BRINP3: variants seen among roughly 807,000 people sequenced by gnomAD.
The protein encoded by BRINP3 is BMP/retinoic acid-inducible neural-specific protein 3.
In BRINP3, 19 loss-of-function variants were observed where a neutral mutation model predicts 71.0. The observed-to-expected ratio is 0.27, with a 90% CI of 0.19 to 0.39. BRINP3 has a LOEUF of 0.39. Ranked by LOEUF, BRINP3 falls within the 10% of genes least tolerant of loss-of-function variation. The probability of loss-of-function intolerance (pLI) is 1.00; values close to 1 mark genes in which losing one functional copy is unlikely to be tolerated. For synonymous variants in BRINP3, 380 were observed against 337.7 expected, an observed-to-expected ratio of 1.13 and a Z score of -1.37; for missense variants, 959 against 940.8, an observed-to-expected ratio of 1.02 and a Z score of -0.25.
chr1:190,172,769 T>TA (rs1652133995), intron 6 of BRINP3, among the ~76,000 whole-genome samples: 1 of 152,098 alleles, frequency 6.6e-6, no homozygotes, highest in Non-Finnish European at 1.5e-5. Context: ...TAACTGAACA[T>TA]ACGACAATCG....
intron 2 of BRINP3, among the ~76,000 whole-genome samples, chr1:190,338,653 T>A (rs1667447715): frequency 6.6e-6 from 1 of 152,000 alleles, no homozygotes; most frequent in Admixed American, 6.6e-5. Context: ...TGTCTATCAA[T>A]TTATAATAAA....
At chr1:190,270,846 TGAA>T (rs1662048034) in intron 3 of BRINP3, among the ~76,000 whole-genome samples, 1 of 151,722 alleles carries the variant, frequency 6.6e-6, no homozygotes, top group Non-Finnish European at 1.5e-5. Context: ...ATTAAAATGT[TGAA>T]GAAGCATCCA....
At chr1:190,473,832 G>C (rs1055875710) in intron 1 of BRINP3, among the ~76,000 whole-genome samples, 3 of 150,768 alleles carry the variant, frequency 2.0e-5, no homozygotes, top group Non-Finnish European at 4.4e-5. Flanking sequence ...TTTCATACTG[G>C]GGTTGTACGC....
intron 5 of BRINP3, among the ~76,000 whole-genome samples, chr1:190,228,287 G>GA (rs1282394971): frequency 6.6e-6 from 1 of 151,590 alleles, no homozygotes; most frequent in Non-Finnish European, 1.5e-5. Context: ...AGGAACTCAG[G>GA]AATCAGTATA....
At chr1:190,316,289 G>A (rs1026555230) in intron 2 of BRINP3, among the ~76,000 whole-genome samples, 3 of 152,068 alleles carry the variant, frequency 2.0e-5, no homozygotes, top group Admixed American at 2.0e-4. Context: ...TTCAATTATT[G>A]ACTTCATTTT....
At chr1:190,382,431 A>G (rs1342353624) in intron 2 of BRINP3, among the ~76,000 whole-genome samples, 1 of 152,144 alleles carries the variant, frequency 6.6e-6, no homozygotes, top group Non-Finnish European at 1.5e-5. Context: ...AGTCTTAGCA[A>G]ATTCATACTT....
intron 7 of BRINP3, among the ~76,000 whole-genome samples, chr1:190,152,391 A>G (rs979666261): frequency 3.3e-5 from 5 of 151,854 alleles, no homozygotes; most frequent in Non-Finnish European, 7.4e-5. Context: ...ACACTTTCTC[A>G]TTGTTGTAAA....
chr1:190,353,766 T>A (rs1668551799), intron 2 of BRINP3, among the ~76,000 whole-genome samples: 1 of 152,000 alleles, frequency 6.6e-6, no homozygotes, highest in Non-Finnish European at 1.5e-5. Flanking sequence ...CCAAATCTTG[T>A]GTATTCCACC....
At position 190,098,344 on chromosome 1, in the gene BRINP3, C is replaced by T. The variant is rs1349727089; in HGVS notation, c.1975G>A (p.Gly659Ser). 1.2e-6 allele frequency: 2 copies of T among 1,614,056 alleles called. No homozygotes were observed. The highest frequency in any genetic ancestry group is 8.5e-7 in the Non-Finnish European group (1 of 1,180,024). ...LEFIDPSRNL[G>S]YMKINNIQVF... Reference sequence around the variant, plus strand: ...TGAATGTTATTGATTTTCATATAGCCCAGGTTCCGGGAAGGGTCAATAAAC... The same window carrying T: ...TGAATGTTATTGATTTTCATATAGCTCAGGTTCCGGGAAGGGTCAATAAAC... The change falls in exon 8 of 8, where the codon GGC (glycine) becomes AGC (serine). Residue 659 changes from glycine to serine, a missense_variant. Coordinates refer to ENST00000367462, the MANE Select transcript of BRINP3 (RefSeq NM_199051.3).
At chr1:190,429,582 T>C (rs1673953771) in intron 2 of BRINP3, among the ~76,000 whole-genome samples, 1 of 151,122 alleles carries the variant, frequency 6.6e-6, no homozygotes, top group African/African-American at 2.4e-5. Context: ...TAATTACATC[T>C]TTCTTTCTTC....
chr1:190,465,093 G>A (rs926444692), intron 1 of BRINP3, among the ~76,000 whole-genome samples: 7 of 151,870 alleles, frequency 4.6e-5, no homozygotes, highest in East Asian at 3.9e-4. Context: ...AGCACATAGG[G>A]GAAATTATTC....
intron 2 of BRINP3, among the ~76,000 whole-genome samples, chr1:190,397,875 ATTATT>A (rs1446769911): frequency 6.6e-6 from 1 of 152,002 alleles, no homozygotes; most frequent in Non-Finnish European, 1.5e-5. Context: ...TTTCTGAGTA[ATTATT>A]TTACTCTGTG....
At chr1:190,250,077 A>C (rs1257956330) in intron 4 of BRINP3, among the ~76,000 whole-genome samples, 1 of 151,900 alleles carries the variant, frequency 6.6e-6, no homozygotes, top group African/African-American at 2.4e-5. Flanking sequence ...TGCACTTTAA[A>C]ATGTAAAAGT....
At chr1:190,258,117 T>C (rs1473656280) in intron 4 of BRINP3, among the ~76,000 whole-genome samples, 1 of 152,204 alleles carries the variant, frequency 6.6e-6, no homozygotes, top group African/African-American at 2.4e-5. Flanking sequence ...CAGTAGGCCA[T>C]GCTGAACTGT....
At chr1:190,163,260 G>T (rs1345908539) in intron 6 of BRINP3, among the ~76,000 whole-genome samples, 1 of 151,970 alleles carries the variant, frequency 6.6e-6, no homozygotes, top group African/African-American at 2.4e-5. Flanking sequence ...AATTACCAAA[G>T]CTATGTAAAA....
intron 2 of BRINP3, among the ~76,000 whole-genome samples, chr1:190,392,600 G>T (rs1279127889): frequency 1.3e-5 from 2 of 151,424 alleles, no homozygotes; most frequent in African/African-American, 4.8e-5. Context: ...CAATATAAAA[G>T]TTATTTTTTA....
At chr1:190,258,803 G>A (rs530220299) in intron 4 of BRINP3, among the ~76,000 whole-genome samples, 1 of 152,244 alleles carries the variant, frequency 6.6e-6, no homozygotes, top group East Asian at 1.9e-4. Flanking sequence ...AGTTGGTGAG[G>A]ACAGTGATAA....
At chr1:190,405,343 C>T (rs1432913964) in intron 2 of BRINP3, among the ~76,000 whole-genome samples, 2 of 150,538 alleles carry the variant, frequency 1.3e-5, no homozygotes, top group Admixed American at 6.7e-5. Flanking sequence ...CCCAGCTACT[C>T]GGGAGGCTGA....
intron 1 of BRINP3, among the ~76,000 whole-genome samples, chr1:190,468,212 A>G (rs576469460): frequency 9.9e-5 from 15 of 151,502 alleles, no homozygotes; most frequent in Admixed American, 9.2e-4. Flanking sequence ...AAATTATATC[A>G]CTTCTGTAAT....
Sources: gnomAD v4.1 joint callset for allele counts (sites outside exome capture counted in the v4.1 genomes callset) on GRCh38, gnomAD v4.1.1 for gene constraint, MANE v1.5 for transcripts, NCBI Gene and HGNC (gene_info 2026-07-23, HGNC 2026-07-21) for gene names.